ABCA12: variants seen among roughly 807,000 people sequenced by gnomAD.
ABCA12 encodes the protein ATP binding cassette subfamily A member 12.
ABCA12 carries 156 observed loss-of-function variants against 293.5 expected under a neutral mutation model. The ratio of observed to expected loss-of-function variants is 0.53; its 90% CI spans 0.47 to 0.61. The LOEUF (loss-of-function observed/expected upper bound fraction) is 0.61, where lower values mean the gene tolerates loss of function less well. Among genes scored for constraint, ABCA12 ranks in the 20% least tolerant of loss-of-function variants. ABCA12 has a pLI of 0.00. For missense variants in ABCA12, 2,797 were observed against 3,090.2 expected (o/e 0.91, Z 2.25); for synonymous variants, 1,063 against 1,108.0 (o/e 0.96, Z 0.81).
At chr2:214,982,058 T>C in intron 30 of ABCA12, 129 bp downstream of exon 30, 1 of 882,020 alleles carries the variant, frequency 1.1e-6, no homozygotes, top group South Asian at 1.4e-5. Flanking sequence ...GCAATCCTCC[T>C]GTCTTGGCCT....
At chr2:215,081,332 G>A (rs1215272803) in intron 2 of ABCA12, among the ~76,000 whole-genome samples, 1 of 151,934 alleles carries the variant, frequency 6.6e-6, no homozygotes, top group African/African-American at 2.4e-5. Flanking sequence ...ACAAAAATTA[G>A]CAAGGCATGG....
chr2:215,046,443 T>C (rs1452573376), intron 6 of ABCA12, among the ~76,000 whole-genome samples: 1 of 148,434 alleles, frequency 6.7e-6, no homozygotes, highest in African/African-American at 2.5e-5. Flanking sequence ...ATATATAGAT[T>C]AGTAGAGATA....
chr2:215,097,892 T>C (rs1702279607), intron 2 of ABCA12, among the ~76,000 whole-genome samples: 1 of 152,232 alleles, frequency 6.6e-6, no homozygotes, highest in African/African-American at 2.4e-5. Flanking sequence ...AATAAAGACC[T>C]TAAATATCAG....
In ABCA12 at chr2:214,948,591, C is replaced by G. The variant is rs752634855; in HGVS notation, c.7104+5G>C. On this transcript the variant is annotated splice_donor_5th_base_variant and intron_variant, in intron 47 of 52. Coordinates refer to ENST00000272895, the MANE Select transcript of ABCA12 (RefSeq NM_173076.3). The stretch of plus-strand genomic sequence containing the variant: ...AATTAAGTAATTTTTCACACTTGTA[C>G]TCACTTCTTTAATATCCTTTTCTGG... 4 of 1,613,700 alleles carry G rather than the reference C, an allele frequency of 2.5e-6. No individual in the cohort carries two copies.
At chr2:215,102,978 C>T (rs1702388841) in intron 2 of ABCA12, among the ~76,000 whole-genome samples, 1 of 152,128 alleles carries the variant, frequency 6.6e-6, no homozygotes, top group South Asian at 2.1e-4. Context: ...AATTATTGAT[C>T]TTGATCACTG....
intron 2 of ABCA12, among the ~76,000 whole-genome samples, chr2:215,095,057 T>C (rs1702223023): frequency 6.6e-6 from 1 of 152,092 alleles, no homozygotes; most frequent in Non-Finnish European, 1.5e-5. Context: ...GTCCCCCTCA[T>C]GACAGCAACA....
intron 51 of ABCA12, among the ~76,000 whole-genome samples, chr2:214,935,323 C>T (rs1028606776): frequency 4.5e-4 from 69 of 152,160 alleles, no homozygotes; most frequent in East Asian, 1.9e-4. Flanking sequence ...AGCCCTGGTC[C>T]CATGAGGAAC....
intron 39 of ABCA12, among the ~76,000 whole-genome samples, chr2:214,961,112 C>A (rs1036793953): frequency 4.6e-5 from 7 of 152,038 alleles, no homozygotes; most frequent in African/African-American, 1.7e-4. Context: ...AACATTATTA[C>A]AATGGTAGAT....
chr2:215,119,859 G>A (rs867724039), intron 1 of ABCA12, among the ~76,000 whole-genome samples: 16 of 151,480 alleles, frequency 1.1e-4, no homozygotes, highest in African/African-American at 3.2e-4. Flanking sequence ...GTGGAAAGCA[G>A]TTTGGAGATT....
chr2:215,041,421 A>G (rs1575004783), intron 7 of ABCA12, among the ~76,000 whole-genome samples: 1 of 152,100 alleles, frequency 6.6e-6, no homozygotes, highest in African/African-American at 2.4e-5. Context: ...GCATGGTGGC[A>G]CGTGCCTGTA....
chr2:214,981,394 G>T (rs193075852), intron 30 of ABCA12, among the ~76,000 whole-genome samples: 45 of 152,056 alleles, frequency 3.0e-4, no homozygotes, highest in African/African-American at 1.0e-3. Flanking sequence ...TGATTACTCC[G>T]TTGCTTCACA....
In ABCA12 at chr2:215,138,465, G is replaced by T; in HGVS notation, c.-257C>A. ...GGACCCAGATCAGTATCTTTGGGTG[G>T]CTTATGCTTATTTTAAAATAATATC... is the stretch of plus-strand genomic sequence containing the variant. On this transcript the variant is annotated 5_prime_UTR_variant, in exon 1 of 53. Transcript: ENST00000272895. The T allele has an allele frequency of 1.9e-6, 1 of 514,276 alleles. No homozygotes were observed. Among genetic ancestry groups the T allele is most frequent in the Non-Finnish European group, 3.5e-6 (1 of 284,410 alleles). The allele number at this position is 514,276 out of a possible 1,614,324, so 31.9% of individuals were successfully genotyped here.
chr2:215,018,165 T>C (rs1423856197), intron 13 of ABCA12, 33 bp from the exon 14 acceptor site: 3 of 1,600,004 alleles, frequency 1.9e-6, no homozygotes, highest in African/African-American at 2.7e-5. Flanking sequence ...AGAAAACCCA[T>C]GTTGGTTTGT....
chr2:215,014,574 G>A (rs545938490), intron 15 of ABCA12, among the ~76,000 whole-genome samples: 1 of 152,126 alleles, frequency 6.6e-6, no homozygotes, highest in Non-Finnish European at 1.5e-5. Context: ...GTGATATAAT[G>A]AGACTTTAAG....
chr2:215,061,819 A>T (rs925930897), intron 3 of ABCA12, among the ~76,000 whole-genome samples: 1 of 152,036 alleles, frequency 6.6e-6, no homozygotes, highest in Non-Finnish European at 1.5e-5. Context: ...CTGGGCTTTA[A>T]TCCTACTTCC....
At chr2:215,059,173 G>A (rs1208246514) in intron 3 of ABCA12, among the ~76,000 whole-genome samples, 2 of 152,128 alleles carry the variant, frequency 1.3e-5, no homozygotes, top group African/African-American at 2.4e-5. Flanking sequence ...AGAATTACAT[G>A]GGTATGTAGT....
chr2:214,959,092 C>T lies in ABCA12; in HGVS notation c.5885-14G>A, dbSNP rs760739044. On this transcript the variant is annotated splice_polypyrimidine_tract_variant and intron_variant, in intron 39 of 52. Transcript: ENST00000272895. ...ACATGATGATGCCTTAAAGACGAAACAGTTCTTCTATTAGTAGGTATTCAG... is the reference window on the plus strand; with the variant it reads ...ACATGATGATGCCTTAAAGACGAAATAGTTCTTCTATTAGTAGGTATTCAG... 6 of 1,612,086 alleles carry T rather than the reference C, an allele frequency of 3.7e-6. No individual in the cohort carries two copies. Among genetic ancestry groups the T allele is most frequent in the Non-Finnish European group, 1.7e-6 (2 of 1,178,272 alleles).
intron 11 of ABCA12, 138 bp from the exon 12 acceptor site, chr2:215,019,934 G>A (rs569514270): frequency 1.5e-5 from 16 of 1,067,632 alleles, no homozygotes; most frequent in African/African-American, 1.3e-4. Context: ...GGCATTTGGC[G>A]TTAGTTTTAT....
chr2:215,034,958 A>T (rs77945075), intron 8 of ABCA12, among the ~76,000 whole-genome samples: 1 of 152,288 alleles, frequency 6.6e-6, no homozygotes, highest in Non-Finnish European at 1.5e-5. Context: ...AGAGTAAAAA[A>T]CCAAGGGAGA....
Sources: gnomAD v4.1 joint callset for allele counts (sites outside exome capture counted in the v4.1 genomes callset) on GRCh38, gnomAD v4.1.1 for gene constraint, MANE v1.5 for transcripts, NCBI Gene and HGNC (gene_info 2026-07-23, HGNC 2026-07-21) for gene names.